TBC1D32: variants seen among roughly 807,000 people sequenced by gnomAD.
The protein encoded by TBC1D32 is protein broad-minded.
A neutral mutation model predicts 170.3 loss-of-function variants in TBC1D32; 151 were observed. The ratio of observed to expected loss-of-function variants is 0.89; its 90% CI spans 0.78 to 1.01. The LOEUF is 1.01. TBC1D32 is among the 50% of genes least tolerant of loss of function. TBC1D32 has a pLI of 0.00. For synonymous variants in TBC1D32, 498 were observed against 488.0 expected, an observed-to-expected ratio of 1.02 and a Z score of -0.27; for missense variants, 1,464 against 1,457.1, an observed-to-expected ratio of 1.00 and a Z score of -0.08.
intron 21 of TBC1D32, among the ~76,000 whole-genome samples, chr6:121,211,654 T>C (rs962021677): frequency 2.0e-5 from 3 of 152,284 alleles, no homozygotes; most frequent in Admixed American, 2.0e-4. Flanking sequence ...TTCATTCCTT[T>C]ATTATGGCTG....
intron 5 of TBC1D32, among the ~76,000 whole-genome samples, chr6:121,306,403 T>C (rs751093920): frequency 1.1e-4 from 17 of 152,176 alleles, no homozygotes; most frequent in Non-Finnish European, 2.1e-4. Flanking sequence ...AAATCTAAGT[T>C]CTCTGAGGGT....
intron 12 of TBC1D32, among the ~76,000 whole-genome samples, chr6:121,287,520 A>T (rs1166407071): frequency 6.6e-6 from 1 of 152,200 alleles, no homozygotes. Context: ...TTAGAGACCT[A>T]CAAAGAGACT....
intron 22 of TBC1D32, among the ~76,000 whole-genome samples, chr6:121,190,564 C>A (rs1403124363): frequency 6.6e-6 from 1 of 151,956 alleles, no homozygotes; most frequent in Admixed American, 6.6e-5. Context: ...CTTATTTGAA[C>A]TATCTGGAGG....
intron 22 of TBC1D32, among the ~76,000 whole-genome samples, chr6:121,162,488 G>T (rs2128246438): frequency 6.6e-6 from 1 of 152,160 alleles, no homozygotes; most frequent in African/African-American, 2.4e-5. Context: ...CTTGAAAACT[G>T]GCACAAGACA....
Position 121,304,812 on chromosome 6 carries a change from C to T in TBC1D32, c.712G>A (p.Ala238Thr), listed in dbSNP as rs569425701. 1 of 1,609,892 alleles carries T rather than the reference C, an allele frequency of 6.2e-7. No homozygotes were observed. Among genetic ancestry groups the T allele is most frequent in the Admixed American group, 1.7e-5 (1 of 59,218 alleles). ...VFSDRILKFC[A>T]QTFLLSPLHM... ...AATGGAGAAAGCAAAAATGTCTGTG[C>T]ACAGAATTTTAAAATCCGGTCCTAC... Residue 238 changes from alanine to threonine, a missense_variant, in exon 6 of 32, where the codon GCA becomes ACA. Physicochemically the swap from Ala to Thr is moderately conservative, Grantham distance 58. This residue lies in a region of TBC1D32 where 1,363 missense variants were observed against 1,338.1 expected (regional missense o/e 1.02). Transcript: ENST00000398212.
At chr6:121,304,337 TGC>T (rs1806985684) in intron 8 of TBC1D32, 26 bp downstream of exon 8, 1 of 1,609,870 alleles carries the variant, frequency 6.2e-7, no homozygotes, top group South Asian at 1.1e-5. Context: ...CTAGGTTTTA[TGC>T]TGGCATACAT....
intron 30 of TBC1D32, among the ~76,000 whole-genome samples, chr6:121,097,258 G>A (rs9767100): frequency 0.18 from 27,175 of 151,956 alleles, 3,239 homozygotes; most frequent in African/African-American, 0.31. Flanking sequence ...AAGTGAATAG[G>A]CAACCTACAG....
chr6:121,098,661 C>T (rs904907466), intron 30 of TBC1D32, among the ~76,000 whole-genome samples: 1 of 151,976 alleles, frequency 6.6e-6, no homozygotes, highest in African/African-American at 2.4e-5. Flanking sequence ...TAAAGATCTT[C>T]AACTAAAAAG....
intron 21 of TBC1D32, among the ~76,000 whole-genome samples, chr6:121,205,645 G>T (rs184910226): frequency 6.6e-6 from 1 of 152,226 alleles, no homozygotes; most frequent in Admixed American, 6.5e-5. Flanking sequence ...GTAAATCAGT[G>T]GTTTCCAACC....
intron 22 of TBC1D32, among the ~76,000 whole-genome samples, chr6:121,178,025 A>G (rs1289991731): frequency 6.6e-6 from 1 of 152,198 alleles, no homozygotes; most frequent in African/African-American, 2.4e-5. Context: ...ACTCACAATC[A>G]TGGCAGAAAG....
Position 121,160,078 on chromosome 6 carries a change from A to T in TBC1D32, c.2705T>A (p.Met902Lys), listed in dbSNP as rs1356767019. 6.2e-7 allele frequency: 1 copy of T among 1,606,974 alleles called. No homozygotes were observed. Among genetic ancestry groups the T allele is most frequent in the Admixed American group, 1.7e-5 (1 of 59,966 alleles). Residue 902 changes from methionine (M) to lysine (K), a missense_variant, in exon 24 of 32, where the codon ATG (methionine) becomes AAG (lysine). This residue lies in a region of TBC1D32 where 1,363 missense variants were observed against 1,338.1 expected (regional missense o/e 1.02). Coordinates refer to ENST00000398212, the MANE Select transcript of TBC1D32 (RefSeq NM_152730.6). ...GTTTGGCAATGGATATGATGAAAAC[A>T]TTGGCCAAGGATATGGATTATCACT... ...EKSDNPYPWP[M>K]FSSYPLPNCY...
chr6:121,302,288 A>T (rs1210765141), intron 9 of TBC1D32, among the ~76,000 whole-genome samples: 1 of 152,180 alleles, frequency 6.6e-6, no homozygotes, highest in Non-Finnish European at 1.5e-5. Flanking sequence ...GAATAGCTAC[A>T]ATAGGGACTG....
intron 31 of TBC1D32, among the ~76,000 whole-genome samples, chr6:121,082,307 T>C (rs1312887754): frequency 6.6e-6 from 1 of 152,070 alleles, no homozygotes; most frequent in African/African-American, 2.4e-5. Context: ...ATTAAAAATA[T>C]TTCACTTTTT....
chr6:121,115,289 A>G (rs779962566), intron 26 of TBC1D32, 48 bp from the exon 27 acceptor site: 2 of 1,347,112 alleles, frequency 1.5e-6, no homozygotes, highest in Admixed American at 2.5e-5. Flanking sequence ...AAGTTTGCAT[A>G]ATAATCACAT....
intron 20 of TBC1D32, among the ~76,000 whole-genome samples, chr6:121,230,993 G>A (rs989236244): frequency 5.9e-5 from 9 of 151,978 alleles, no homozygotes; most frequent in African/African-American, 1.9e-4. Flanking sequence ...TTATGCCTTG[G>A]TGTCCTCATA....
chr6:121,287,898 G>A (rs969384887), intron 12 of TBC1D32, among the ~76,000 whole-genome samples: 4 of 152,144 alleles, frequency 2.6e-5, no homozygotes, highest in African/African-American at 9.7e-5. Context: ...GCTCCTGAAC[G>A]ACTACTGGGT....
In TBC1D32 at chr6:121,261,353, A is replaced by C. The variant is rs570745313; in HGVS notation, c.1734-5068T>G. On this transcript the variant is annotated intron_variant, in intron 15 of 31. Coordinates refer to ENST00000398212, the MANE Select transcript of TBC1D32 (RefSeq NM_152730.6). ...CCCAAAAGGGGTCACCAGACACCCT[A>C]CACAGGAGCGTTCCTACTGGCATCA... 1.4e-3 allele frequency among the ~76,000 whole-genome samples: 215 copies of C among 152,338 alleles called. 1 individual carries two copies. The highest frequency in any genetic ancestry group is 2.4e-3 in the Non-Finnish European group (163 of 68,022).
chr6:121,236,566 C>G (rs1308447094), intron 20 of TBC1D32, among the ~76,000 whole-genome samples: 1 of 152,076 alleles, frequency 6.6e-6, no homozygotes, highest in Admixed American at 6.5e-5. Flanking sequence ...AAGCTGGACT[C>G]TAGGGCTGTT....
At chr6:121,108,081 T>A (rs1226135085) in intron 29 of TBC1D32, among the ~76,000 whole-genome samples, 2 of 152,110 alleles carry the variant, frequency 1.3e-5, no homozygotes, top group Admixed American at 6.5e-5. Flanking sequence ...AATACACTAA[T>A]GATTGCACAC....
Sources: gnomAD v4.1 joint callset for allele counts (sites outside exome capture counted in the v4.1 genomes callset) on GRCh38, gnomAD v4.1.1 for gene constraint, gnomAD v4.1.1 regional missense constraint, MANE v1.5 for transcripts, NCBI Gene and HGNC (gene_info 2026-07-23, HGNC 2026-07-21) for gene names.